Variants in F8 observed in about 807,000 individuals in gnomAD.
F8 encodes the protein antihemophilic factor.
F8 carries 12 observed loss-of-function variants against 140.6 expected under a neutral mutation model. The observed-to-expected ratio is 0.09, with a 90% CI of 0.05 to 0.14. The LOEUF (loss-of-function observed/expected upper bound fraction) is 0.14, where lower values mean the gene tolerates loss of function less well. Ranked by LOEUF, F8 falls within the 10% of genes least tolerant of loss-of-function variation. F8 has a pLI of 1.00. For synonymous variants in F8, 585 were observed against 614.6 expected (o/e 0.95, Z 0.71); for missense variants, 1,354 against 1,720.7 (o/e 0.79, Z 3.77).
chrX:154,961,832 C>T (rs116666699), intron 9 of F8, among the ~76,000 whole-genome samples: 3,837 of 110,718 alleles, frequency 0.035, 145 homozygotes, highest in African/African-American at 0.12. Flanking sequence ...TAAACATAAA[C>T]CAGTCCTTTC....
chrX:154,951,773 C>G (rs2124087300), intron 12 of F8, among the ~76,000 whole-genome samples: 1 of 110,921 alleles, frequency 9.0e-6, no homozygotes, highest in South Asian at 3.9e-4. Flanking sequence ...GTCTCTTGGT[C>G]TCTGCCTTTG....
intron 13 of F8, among the ~76,000 whole-genome samples, chrX:154,939,669 G>C (rs1420873470): frequency 1.2e-4 from 14 of 112,223 alleles, no homozygotes; most frequent in Non-Finnish European, 2.4e-4. Context: ...AGAGAGTAGT[G>C]GTTCTCCCAG....
At chrX:154,904,182 C>G in intron 17 of F8, 94 bp from the exon 18 acceptor site, 3 of 1,098,982 alleles carry the variant, frequency 2.7e-6, no homozygotes, top group Non-Finnish European at 3.8e-6. Flanking sequence ...GAGGATTCCA[C>G]TCCCACAGAT....
intron 14 of F8, among the ~76,000 whole-genome samples, chrX:154,927,196 T>C (rs2073165650): frequency 9.0e-6 from 1 of 111,569 alleles, no homozygotes; most frequent in Non-Finnish European, 1.9e-5. Context: ...TAAAAGCTTC[T>C]TTGGAGTGGG....
chrX:154,921,592 C>T (rs1183242081), intron 14 of F8, among the ~76,000 whole-genome samples: 19 of 111,288 alleles, frequency 1.7e-4, no homozygotes, highest in Non-Finnish European at 1.1e-4. Context: ...ATATTTATTG[C>T]GGCACTATTC....
intron 25 of F8, among the ~76,000 whole-genome samples, chrX:154,838,940 C>T (rs1233060359): frequency 1.3e-5 from 1 of 78,659 alleles, no homozygotes; most frequent in African/African-American, 4.7e-5. Context: ...CACCCCCCCA[C>T]CCCCCCAAGA....
At chrX:154,950,504 C>T (rs1307626495) in intron 12 of F8, among the ~76,000 whole-genome samples, 1 of 111,719 alleles carries the variant, frequency 9.0e-6, no homozygotes, top group Non-Finnish European at 1.9e-5. Flanking sequence ...CTTCCTCAGG[C>T]TTAATTACTA....
At chrX:154,856,683 G>C (rs1402033544) in intron 25 of F8, among the ~76,000 whole-genome samples, 1 of 111,962 alleles carries the variant, frequency 8.9e-6, no homozygotes, top group African/African-American at 3.2e-5. Flanking sequence ...TGAATGAAGG[G>C]GAGGCTCAGT....
intron 13 of F8, among the ~76,000 whole-genome samples, chrX:154,943,461 C>T (rs368059581): frequency 2.7e-5 from 3 of 111,338 alleles, no homozygotes; most frequent in Admixed American, 9.5e-5. Flanking sequence ...CAACTTACAA[C>T]GGATGTGAAG....
chrX:154,862,479 T>G (rs781929703), intron 23 of F8, among the ~76,000 whole-genome samples: 2 of 111,518 alleles, frequency 1.8e-5, no homozygotes, highest in Admixed American at 1.9e-4. Flanking sequence ...TCACTGAGGC[T>G]TGGTGTATGA....
chrX:154,872,547 G>T (rs1228878163), intron 22 of F8, among the ~76,000 whole-genome samples: 1 of 107,476 alleles, frequency 9.3e-6, no homozygotes, highest in Non-Finnish European at 1.9e-5. Context: ...GGGGCCTGTT[G>T]GGGGGTGGGG....
At chrX:154,906,702 A>T (rs2073040240) in intron 14 of F8, 129 bp from the exon 15 acceptor site, 4 of 588,849 alleles carry the variant, frequency 6.8e-6, no homozygotes, top group Non-Finnish European at 1.1e-5. Flanking sequence ...TCCTTGAAAT[A>T]CTCTTGCCAA....
chrX:155,021,477 A>G (rs910258287), intron 1 of F8, among the ~76,000 whole-genome samples: 1 of 112,123 alleles, frequency 8.9e-6, no homozygotes, highest in Non-Finnish European at 1.9e-5. Context: ...TCAAGAAGCA[A>G]AAATCTAACA....
At chrX:154,958,957 C>A (rs12398789) in intron 10 of F8, among the ~76,000 whole-genome samples, 11,151 of 111,333 alleles carry the variant, frequency 0.1, 565 homozygotes, top group Non-Finnish European at 0.15. Flanking sequence ...TCATGTGATA[C>A]TGAAGGATTC....
At chrX:154,910,187 T>G (rs1002020102) in intron 14 of F8, among the ~76,000 whole-genome samples, 1 of 111,334 alleles carries the variant, frequency 9.0e-6, no homozygotes, top group Non-Finnish European at 1.9e-5. Context: ...AGGATGTGCT[T>G]TGTTAAAAAA....
At chrX:154,839,511 C>T (rs1228590541) in intron 25 of F8, among the ~76,000 whole-genome samples, 4 of 109,550 alleles carry the variant, frequency 3.7e-5, no homozygotes, top group Admixed American at 9.7e-5. Context: ...TACAGGTGCC[C>T]GCCACCATGC....
chrX:154,965,116 C>T (rs1005566444), intron 9 of F8, among the ~76,000 whole-genome samples: 3 of 111,357 alleles, frequency 2.7e-5, no homozygotes. Context: ...CAGGGAAATG[C>T]AAATGAAGAC....
At chrX:155,004,120 T>C in intron 1 of F8, among the ~76,000 whole-genome samples, 1 of 110,668 alleles carries the variant, frequency 9.0e-6, no homozygotes, top group Non-Finnish European at 1.9e-5. Context: ...GGAGCAAAGA[T>C]AAAAATTACA....
chrX:154,876,165 G>T (rs1288904510), intron 22 of F8, among the ~76,000 whole-genome samples: 16 of 101,976 alleles, frequency 1.6e-4, no homozygotes, highest in Non-Finnish European at 2.8e-4. Context: ...TGTCGCCCAG[G>T]CTGGAGTGCC....
Sources: allele counts gnomAD v4.1 joint callset (sites outside exome capture counted in the v4.1 genomes callset), GRCh38; gene constraint gnomAD v4.1.1; transcripts MANE v1.5; gene names NCBI Gene and HGNC (gene_info 2026-07-23, HGNC 2026-07-21).